The following TGFBR3 variants were observed in gnomAD, a reference collection of about 807,000 sequenced individuals.
TGFBR3 encodes transforming growth factor beta receptor 3.
TGFBR3 carries 46 observed loss-of-function variants against 87.9 expected under a neutral mutation model. That is an observed-to-expected ratio of 0.52 (90% CI 0.41 to 0.67). TGFBR3 has a LOEUF of 0.67. Ranked by LOEUF, TGFBR3 falls within the 30% of genes least tolerant of loss-of-function variation. The probability of loss-of-function intolerance (pLI) is 0.00; values close to 1 mark genes in which losing one functional copy is unlikely to be tolerated. For missense variants in TGFBR3, 866 were observed against 1,041.9 expected (o/e 0.83, Z 2.32); for synonymous variants, 381 against 391.6 (o/e 0.97, Z 0.32).
At chr1:91,835,744 CG>C (rs1306573165) in intron 2 of TGFBR3, among the ~76,000 whole-genome samples, 1 of 141,502 alleles carries the variant, frequency 7.1e-6, no homozygotes. Context: ...AGGACAATGA[CG>C]TGAACCCGGA....
At chr1:91,708,834 T>G (rs1671887271) in intron 13 of TGFBR3, 51 bp from the exon 14 acceptor site, 2 of 1,606,934 alleles carry the variant, frequency 1.2e-6, no homozygotes, top group African/African-American at 2.7e-5. Flanking sequence ...CAAAAGTGCC[T>G]TCACCAGCTC....
chr1:91,797,424 G>A lies in TGFBR3; in HGVS notation c.109C>T (p.His37Tyr). 1 of 1,614,228 alleles carries A rather than the reference G, an allele frequency of 6.2e-7. No individual in the cohort carries two copies. Among genetic ancestry groups the A allele is most frequent in the Non-Finnish European group, 8.5e-7 (1 of 1,180,038 alleles). ...CTCTCCATCAAGGCCTGGACAGGAT[G>A]GGAGGCACTGACAGGTGACAGTTCA... is the stretch of plus-strand genomic sequence containing the variant. The part of the protein sequence containing the change: ...LCELSPVSAS[H>Y]PVQALMESFT... The change falls in exon 3 of 17, where the codon CAT (histidine) becomes TAT (tyrosine). Residue 37 changes from histidine (H) to tyrosine (Y), a missense_variant. Transcript: ENST00000212355.
intron 2 of TGFBR3, among the ~76,000 whole-genome samples, chr1:91,809,668 G>A (rs1309620500): frequency 2.0e-5 from 3 of 152,170 alleles, no homozygotes; most frequent in African/African-American, 4.8e-5. Flanking sequence ...CATAATCAGG[G>A]CACTCACAAT....
intron 4 of TGFBR3, among the ~76,000 whole-genome samples, chr1:91,737,790 T>A (rs889175709): frequency 6.6e-6 from 1 of 152,162 alleles, no homozygotes; most frequent in Non-Finnish European, 1.5e-5. Context: ...GTCAACAGGA[T>A]AGTCTCTGAA....
intron 2 of TGFBR3, among the ~76,000 whole-genome samples, chr1:91,804,087 T>G (rs1004045320): frequency 6.6e-6 from 1 of 152,144 alleles, no homozygotes; most frequent in African/African-American, 2.4e-5. Flanking sequence ...GCATGCTGCA[T>G]GGGCTTTGTG....
intron 1 of TGFBR3, among the ~76,000 whole-genome samples, chr1:91,900,864 T>C (rs1210622968): frequency 1.3e-5 from 2 of 152,118 alleles, no homozygotes; most frequent in Non-Finnish European, 2.9e-5. Flanking sequence ...AAAAGCAAAT[T>C]CAAGAGACAT....
chr1:91,697,620 C>CT (rs1671476935), intron 15 of TGFBR3, among the ~76,000 whole-genome samples: 1 of 152,224 alleles, frequency 6.6e-6, no homozygotes, highest in Admixed American at 6.5e-5. Context: ...TTCTTACATG[C>CT]TCTTCCTGGG....
intron 3 of TGFBR3, among the ~76,000 whole-genome samples, chr1:91,782,679 T>A (rs924921315): frequency 8.2e-6 from 1 of 121,320 alleles, no homozygotes; most frequent in African/African-American, 3.4e-5. Context: ...CATGAAAAAA[T>A]CCAACTGTAG....
intron 2 of TGFBR3, among the ~76,000 whole-genome samples, chr1:91,851,817 A>C (rs1677747937): frequency 6.6e-6 from 1 of 152,214 alleles, no homozygotes; most frequent in South Asian, 2.1e-4. Context: ...TAAGGATGCA[A>C]AGCAAAGAGA....
rs1161451536 is a variant in TGFBR3 at position 91,716,559 on chromosome 1, AAC to A, written c.1707+7_1707+8del. ...TTCCACAAACCCCCTACTGATAACA[AAC>A]ACATACCACCACGATTTCAGGTCGG... On this transcript the variant is annotated splice_region_variant and intron_variant, in intron 11 of 16. Coordinates refer to ENST00000212355, the MANE Select transcript of TGFBR3 (RefSeq NM_003243.5). 3 of 1,613,990 alleles carry A rather than the reference AAC, an allele frequency of 1.9e-6. No individual in the cohort carries two copies. Among genetic ancestry groups the A allele is most frequent in the Non-Finnish European group, 2.5e-6 (3 of 1,180,044 alleles).
chr1:91,722,313 A>C (rs1488163202), intron 7 of TGFBR3, among the ~76,000 whole-genome samples, 169 bp from the exon 8 acceptor site: 1 of 152,194 alleles, frequency 6.6e-6, no homozygotes, highest in Non-Finnish European at 1.5e-5. Flanking sequence ...AAAAACCTTT[A>C]ATAGCCGACT....
chr1:91,828,044 C>T (rs1676710500), intron 2 of TGFBR3, among the ~76,000 whole-genome samples: 1 of 152,216 alleles, frequency 6.6e-6, no homozygotes, highest in Non-Finnish European at 1.5e-5. Flanking sequence ...TAATCATCTA[C>T]TCCAGGGTAC....
In TGFBR3 at chr1:91,797,389, A is replaced by C; in HGVS notation, c.144T>G (p.Val48=). 1 of 1,614,224 alleles carries C rather than the reference A, an allele frequency of 6.2e-7. No homozygotes were observed. The highest frequency in any genetic ancestry group is 1.3e-5 in the African/African-American group (1 of 75,058). Residue 48 remains valine (V), a synonymous_variant, in exon 3 of 17, where the codon GTT becomes GTG. Coordinates refer to ENST00000212355, the MANE Select transcript of TGFBR3 (RefSeq NM_003243.5). ...TGCCTCTGCTGGCACAGCCTGACAA[A>C]ACAGTGAAGCTCTCCATCAAGGCCT... ...PVQALMESFT[V]LSGCASRGTT...
chr1:91,870,873 TACAAAC>T (rs961519402), intron 1 of TGFBR3, among the ~76,000 whole-genome samples: 4 of 151,808 alleles, frequency 2.6e-5, no homozygotes, highest in African/African-American at 9.7e-5. Flanking sequence ...AATAAATAAA[TACAAAC>T]ACAAATATTA....
intron 4 of TGFBR3, among the ~76,000 whole-genome samples, chr1:91,751,506 A>G (rs575895149): frequency 6.6e-6 from 1 of 152,318 alleles, no homozygotes; most frequent in Non-Finnish European, 1.5e-5. Flanking sequence ...GTTAAATACT[A>G]GGCACAGGAA....
chr1:91,797,618 T>G, intron 2 of TGFBR3, 147 bp from the exon 3 acceptor site: 1 of 797,190 alleles, frequency 1.3e-6, no homozygotes, highest in Non-Finnish European at 2.1e-6. Context: ...AAAGCTAGCC[T>G]ATCTTCTAAA....
At position 91,764,811 on chromosome 1, in the gene TGFBR3, A is replaced by G. The variant is rs140966270; in HGVS notation, c.247-6061T>C. 4.2e-3 allele frequency among the ~76,000 whole-genome samples: 642 copies of G among 152,258 alleles called. 3 individuals are homozygous for G. Among genetic ancestry groups the G allele is most frequent in the African/African-American group, 0.015 (608 of 41,532 alleles). ...CCTAAAGTGCACCACAGTGCTCCGGATGGACTTGTGGGTCCAGCTCACAAT... is the reference window on the plus strand; with the variant it reads ...CCTAAAGTGCACCACAGTGCTCCGGGTGGACTTGTGGGTCCAGCTCACAAT... On this transcript the variant is annotated intron_variant, in intron 3 of 16. Transcript: ENST00000212355.
chr1:91,765,818 GT>G (rs1330314991), intron 3 of TGFBR3, among the ~76,000 whole-genome samples: 1 of 152,144 alleles, frequency 6.6e-6, no homozygotes, highest in Non-Finnish European at 1.5e-5. Flanking sequence ...GCAATTAAGT[GT>G]GTTAGAATGA....
upstream of TGFBR3, among the ~76,000 whole-genome samples, chr1:91,888,757 G>A (rs1349721504): frequency 6.6e-6 from 1 of 152,096 alleles, no homozygotes; most frequent in Non-Finnish European, 1.5e-5. Flanking sequence ...AAATAAAATG[G>A]CCTGGTAGAT....
Sources: gnomAD v4.1 joint callset for allele counts (sites outside exome capture counted in the v4.1 genomes callset) on GRCh38, gnomAD v4.1.1 for gene constraint, MANE v1.5 for transcripts, NCBI Gene and HGNC (gene_info 2026-07-23, HGNC 2026-07-21) for gene names.